Variants in RARB observed in about 807,000 individuals in gnomAD.
The protein encoded by RARB is retinoic acid receptor beta.
In RARB, 17 loss-of-function variants were observed where a neutral mutation model predicts 51.9. The ratio of observed to expected loss-of-function variants is 0.33; its 90% CI spans 0.22 to 0.49. The LOEUF (loss-of-function observed/expected upper bound fraction) is 0.49, where lower values mean the gene tolerates loss of function less well. RARB is among the 20% of genes least tolerant of loss of function. RARB has a pLI of 0.99. For missense variants in RARB, 369 were observed against 550.8 expected (o/e 0.67, Z 3.30); for synonymous variants, 215 against 195.4 (o/e 1.10, Z -0.84).
chr3:25,568,427 C>T (rs1021492021), intron 3 of RARB, among the ~76,000 whole-genome samples: 1 of 152,164 alleles, frequency 6.6e-6, no homozygotes, highest in African/African-American at 2.4e-5. Context: ...CCTGGTCTCC[C>T]CAGCTGCCCT....
At chr3:24,920,576 A>AT (rs1695197286) in intron 2 of RARB, among the ~76,000 whole-genome samples, 1 of 116,574 alleles carries the variant, frequency 8.6e-6, no homozygotes, top group African/African-American at 2.9e-5. Context: ...AAGAACAAAG[A>AT]GAGTGTGGCA....
Position 25,461,235 on chromosome 3 carries a change from G to T in RARB, c.200G>T (p.Ser67Ile), listed in dbSNP as rs1325769270. The T allele has an allele frequency of 6.2e-7, 1 of 1,613,610 alleles. No individual in the cohort carries two copies. Among genetic ancestry groups the T allele is most frequent in the Non-Finnish European group, 8.5e-7 (1 of 1,179,910 alleles). ...ACCAGCTCTGAGGAACTCGTCCCAA[G>T]CCCCCCATCTCCACTTCCTCCCCCT... ...QSTSSEELVP[S>I]PPSPLPPPRV... Residue 67 changes from serine (S) to isoleucine (I), a missense_variant, in exon 2 of 8, where the codon AGC (serine) becomes ATC (isoleucine). Coordinates refer to ENST00000330688, the MANE Select transcript of RARB (RefSeq NM_000965.5).
intron 2 of RARB, among the ~76,000 whole-genome samples, chr3:24,913,570 T>C (rs1275155207): frequency 2.6e-5 from 4 of 152,170 alleles, no homozygotes; most frequent in Non-Finnish European, 5.9e-5. Flanking sequence ...TCAGGAAATA[T>C]TGTTACAAAA....
At chr3:25,571,491 G>A (rs776536334) in intron 4 of RARB, among the ~76,000 whole-genome samples, 9 of 152,348 alleles carry the variant, frequency 5.9e-5, no homozygotes, top group African/African-American at 1.2e-4. Context: ...CTGCCAGGCC[G>A]AGGGAGAGTC....
chr3:24,970,911 C>G (rs1018666073), intron 2 of RARB, among the ~76,000 whole-genome samples: 1 of 151,942 alleles, frequency 6.6e-6, no homozygotes, highest in East Asian at 1.9e-4. Flanking sequence ...GATGCTTATA[C>G]TATTTTCTCT....
At chr3:25,287,553 T>C (rs1703686427) in intron 5 of RARB, among the ~76,000 whole-genome samples, 1 of 152,186 alleles carries the variant, frequency 6.6e-6, no homozygotes, top group African/African-American at 2.4e-5. Flanking sequence ...AGACAGACAC[T>C]CTCGGCCTCC....
chr3:25,448,883 C>A (rs997046665), intron 1 of RARB, among the ~76,000 whole-genome samples: 1 of 152,058 alleles, frequency 6.6e-6, no homozygotes, highest in Non-Finnish European at 1.5e-5. Context: ...TCCTCTCACC[C>A]CCCTCCACCC....
chr3:25,237,113 G>C (rs1347421857), intron 5 of RARB, among the ~76,000 whole-genome samples: 1 of 151,842 alleles, frequency 6.6e-6, no homozygotes, highest in South Asian at 2.1e-4. Flanking sequence ...CCTTTTATCT[G>C]AAAAGATTTT....
intron 2 of RARB, among the ~76,000 whole-genome samples, chr3:25,041,027 A>G (rs1024249016): frequency 6.6e-6 from 1 of 152,218 alleles, no homozygotes; most frequent in Admixed American, 6.5e-5. Context: ...AGGTACTACA[A>G]AAGTATCTAC....
At chr3:25,499,987 A>C (rs1368264) in intron 2 of RARB, among the ~76,000 whole-genome samples, 256 of 152,108 alleles carry the variant, frequency 1.7e-3, no homozygotes, top group African/African-American at 6.1e-3. Flanking sequence ...CAATAGTAAA[A>C]AGTAAGTCAA....
At chr3:25,536,740 A>C (rs959313132) in intron 3 of RARB, among the ~76,000 whole-genome samples, 3 of 152,322 alleles carry the variant, frequency 2.0e-5, no homozygotes, top group African/African-American at 7.2e-5. Flanking sequence ...TTTCTGGAAG[A>C]AATGTTCTCT....
At chr3:25,552,523 C>T (rs1218844503) in intron 3 of RARB, among the ~76,000 whole-genome samples, 1 of 152,058 alleles carries the variant, frequency 6.6e-6, no homozygotes, top group Non-Finnish European at 1.5e-5. Flanking sequence ...ACCTCTCTGC[C>T]TGCATTCCAG....
intron 3 of RARB, among the ~76,000 whole-genome samples, chr3:25,568,570 G>T (rs1391941356): frequency 6.6e-6 from 1 of 151,608 alleles, no homozygotes; most frequent in Non-Finnish European, 1.5e-5. Context: ...TCCTGCTATT[G>T]TCTTACTCTG....
chr3:25,185,149 T>C (rs1482540352), intron 5 of RARB, among the ~76,000 whole-genome samples: 1 of 152,180 alleles, frequency 6.6e-6, no homozygotes, highest in Non-Finnish European at 1.5e-5. Context: ...TGCCAAGATA[T>C]ATTTTTTTTT....
At chr3:24,898,996 C>T (rs548226105) in intron 2 of RARB, among the ~76,000 whole-genome samples, 165 of 152,284 alleles carry the variant, frequency 1.1e-3, no homozygotes, top group African/African-American at 3.9e-3. Context: ...GGCTTGAAAA[C>T]TCAAGTACTC....
rs55848601 is a variant in RARB, at chr3:25,414,524, A to G, written c.179-46669A>G. Among the ~76,000 whole-genome samples, 1,514 of 152,298 alleles carry G rather than the reference A, an allele frequency of 9.9e-3. 33 individuals carry two copies. The highest frequency in any genetic ancestry group is 0.035 in the African/African-American group (1,435 of 41,534). ...GGTTTATGATTTTATATTTCTTGCA[A>G]CAGTATATGAGAGTTATAGTTTCTC... On this transcript the variant is annotated intron_variant, in intron 5 of 11. Transcript: ENST00000383772.
intron 2 of RARB, among the ~76,000 whole-genome samples, chr3:25,053,373 T>A (rs1187556966): frequency 6.6e-6 from 1 of 152,162 alleles, no homozygotes; most frequent in South Asian, 2.1e-4. Context: ...GGGGTAAGAA[T>A]TGGGTTCCGT....
rs914497153 is a variant in RARB, at chr3:25,223,013, T to C, written c.178+48438T>C. Among the ~76,000 whole-genome samples, 11 of 152,334 alleles carry C rather than the reference T, an allele frequency of 7.2e-5. 1 individual carries two copies. Among genetic ancestry groups the C allele is most frequent in the Admixed American group, 2.6e-4 (4 of 15,298 alleles). Reference sequence around the variant, plus strand: ...GAAGGTAGATAGAAATAATATATTATTTTTTAGCTTTATCGAGGTGTAATT... The same window carrying C: ...GAAGGTAGATAGAAATAATATATTACTTTTTAGCTTTATCGAGGTGTAATT... On this transcript the variant is annotated intron_variant, in intron 5 of 11. Coordinates refer to the RARB transcript ENST00000383772.
At chr3:25,078,039 C>T (rs1698911762) in intron 3 of RARB, among the ~76,000 whole-genome samples, 1 of 151,680 alleles carries the variant, frequency 6.6e-6, no homozygotes. Context: ...CTATTGAATT[C>T]CAGAGTTTAT....
Sources: allele counts gnomAD v4.1 joint callset (sites outside exome capture counted in the v4.1 genomes callset), GRCh38; gene constraint gnomAD v4.1.1; transcripts MANE v1.5; gene names NCBI Gene and HGNC (gene_info 2026-07-23, HGNC 2026-07-21).